RAD51B: variants seen among roughly 807,000 people sequenced by gnomAD.
RAD51B encodes the protein RAD51 paralog B.
RAD51B carries 38 observed loss-of-function variants against 42.2 expected under a neutral mutation model. The ratio of observed to expected loss-of-function variants is 0.90; its 90% CI spans 0.70 to 1.18. RAD51B has a LOEUF of 1.18. Ranked by LOEUF, RAD51B falls within the 50% of genes most tolerant of loss-of-function variation. The pLI, the probability that RAD51B is intolerant of heterozygous loss-of-function variation, is 0.00. For missense variants in RAD51B, 373 were observed against 400.7 expected (o/e 0.93, Z 0.59); for synonymous variants, 154 against 145.2 (o/e 1.06, Z -0.43).
At chr14:67,922,795 G>T (rs976500527) in intron 7 of RAD51B, among the ~76,000 whole-genome samples, 7 of 150,876 alleles carry the variant, frequency 4.6e-5, no homozygotes, top group Non-Finnish European at 7.4e-5. Context: ...GGGTTCAAGC[G>T]ATTCTCCTGC....
chr14:68,111,132 T>C (rs1361993989), intron 7 of RAD51B, among the ~76,000 whole-genome samples: 1 of 152,100 alleles, frequency 6.6e-6, no homozygotes, highest in Non-Finnish European at 1.5e-5. Context: ...AAGTAACCTT[T>C]GGATCACTTC....
At chr14:68,606,079 A>G (rs1595021240) in intron 10 of RAD51B, among the ~76,000 whole-genome samples, 2 of 152,022 alleles carry the variant, frequency 1.3e-5, no homozygotes, top group East Asian at 1.9e-4. Context: ...CCCTAACCAC[A>G]CTCCCAGGAA....
chr14:68,557,875 C>G (rs1378734807), intron 10 of RAD51B, among the ~76,000 whole-genome samples: 2 of 152,136 alleles, frequency 1.3e-5, no homozygotes, highest in African/African-American at 2.4e-5. Context: ...TGGGCATTTC[C>G]TAGCCTCCCC....
At chr14:68,371,039 A>AAAAT (rs2083246844) in intron 8 of RAD51B, among the ~76,000 whole-genome samples, 1 of 115,486 alleles carries the variant, frequency 8.7e-6, no homozygotes. Flanking sequence ...TCTGTCTCAA[A>AAAAT]AAAAAAAAAA....
chr14:68,019,142 C>T (rs893722586), intron 7 of RAD51B, among the ~76,000 whole-genome samples: 3 of 150,866 alleles, frequency 2.0e-5, no homozygotes, highest in South Asian at 4.2e-4. Flanking sequence ...AAAAAACACA[C>T]CAAAACTGAC....
At chr14:67,957,463 A>AT (rs2074574592) in intron 7 of RAD51B, among the ~76,000 whole-genome samples, 1 of 152,168 alleles carries the variant, frequency 6.6e-6, no homozygotes, top group Non-Finnish European at 1.5e-5. Flanking sequence ...GGAGCTTCTT[A>AT]TTTTTATATC....
At chr14:67,960,801 T>C (rs1595170227) in intron 7 of RAD51B, among the ~76,000 whole-genome samples, 6 of 152,218 alleles carry the variant, frequency 3.9e-5, no homozygotes, top group Admixed American at 3.9e-4. Flanking sequence ...CCCAAGTAGC[T>C]GGAACAACAG....
At chr14:68,432,892 A>G (rs1406603288) in intron 9 of RAD51B, among the ~76,000 whole-genome samples, 1 of 152,076 alleles carries the variant, frequency 6.6e-6, no homozygotes, top group East Asian at 1.9e-4. Flanking sequence ...GGTACCAGTT[A>G]TTCCTTTCCA....
At chr14:68,664,959 G>A (rs1893003177) in intron 11 of RAD51B, among the ~76,000 whole-genome samples, 1 of 152,160 alleles carries the variant, frequency 6.6e-6, no homozygotes, top group South Asian at 2.1e-4. Flanking sequence ...TCTCTCCTGA[G>A]AGCCCTAAGC....
intron 10 of RAD51B, among the ~76,000 whole-genome samples, chr14:68,539,401 G>T (rs1002050150): frequency 6.6e-6 from 1 of 151,950 alleles, no homozygotes; most frequent in Non-Finnish European, 1.5e-5. Flanking sequence ...CCTCCAAGTC[G>T]CCAGCACTCC....
At position 68,565,223 on chromosome 14, in the gene RAD51B, C is replaced by T. The variant is rs1206818754; in HGVS notation, c.1037-29262C>T. Among the ~76,000 whole-genome samples the T allele has an allele frequency of 4.6e-5, 7 of 152,194 alleles. No individual in the cohort carries two copies. Among genetic ancestry groups the T allele is most frequent in the African/African-American group, 1.7e-4 (7 of 41,434 alleles). On this transcript the variant is annotated intron_variant, in intron 10 of 10. Coordinates refer to the RAD51B transcript ENST00000487270. This position sits in a 1 kb window ranked among gnomAD's most constrained non-coding sequence, Gnocchi z 4.1. ...CCAAGGGAAGCAGTGCCTTTGAAGTCAGCAGCAACCGCAGCAGGCTCAGCT... is the reference window on the plus strand; with the variant it reads ...CCAAGGGAAGCAGTGCCTTTGAAGTTAGCAGCAACCGCAGCAGGCTCAGCT...
At chr14:68,173,337 C>T (rs534812826) in intron 7 of RAD51B, among the ~76,000 whole-genome samples, 1 of 152,266 alleles carries the variant, frequency 6.6e-6, no homozygotes, top group African/African-American at 2.4e-5. Context: ...TCTTTATATT[C>T]TTTGCAAAGA....
intron 7 of RAD51B, among the ~76,000 whole-genome samples, chr14:68,003,109 T>G (rs752249479): frequency 2.0e-5 from 3 of 152,332 alleles, no homozygotes; most frequent in Non-Finnish European, 4.4e-5. Flanking sequence ...ATCTGTAAAT[T>G]GCTTTGGACA....
chr14:68,670,277 C>T (rs1008593772), intron 11 of RAD51B, among the ~76,000 whole-genome samples: 6 of 152,086 alleles, frequency 3.9e-5, no homozygotes, highest in African/African-American at 7.2e-5. Context: ...CATGGGGCTC[C>T]GGGGCTTGGT....
At chr14:68,587,624 C>T (rs1044387931) in intron 10 of RAD51B, among the ~76,000 whole-genome samples, 3 of 152,104 alleles carry the variant, frequency 2.0e-5, no homozygotes, top group African/African-American at 2.4e-5. Flanking sequence ...CCATCCCCCC[C>T]GAGATCCAGA....
intron 8 of RAD51B, among the ~76,000 whole-genome samples, chr14:68,319,966 G>T (rs1285010312): frequency 6.6e-6 from 1 of 152,144 alleles, no homozygotes; most frequent in African/African-American, 2.4e-5. Flanking sequence ...GACCCAGAGA[G>T]GTTTAGTAAC....
intron 7 of RAD51B, among the ~76,000 whole-genome samples, chr14:68,140,490 C>T (rs1369241175): frequency 3.9e-5 from 6 of 152,228 alleles, no homozygotes; most frequent in Admixed American, 6.5e-5. Flanking sequence ...ATGTTACCTC[C>T]ACCAAGGCAT....
chr14:67,902,669 C>G (rs1342666165), intron 7 of RAD51B, among the ~76,000 whole-genome samples: 2 of 152,102 alleles, frequency 1.3e-5, no homozygotes, highest in Non-Finnish European at 2.9e-5. Context: ...GTGATGAACT[C>G]TATCCACTAA....
chr14:68,317,889 G>T (rs1169567731), intron 8 of RAD51B, among the ~76,000 whole-genome samples: 2 of 152,146 alleles, frequency 1.3e-5, no homozygotes, highest in Non-Finnish European at 2.9e-5. Context: ...AATCCAAAAT[G>T]GATTGATACA....
Sources: gnomAD v4.1 joint callset for allele counts (sites outside exome capture counted in the v4.1 genomes callset) on GRCh38, gnomAD v4.1.1 for gene constraint, Gnocchi (gnomAD v3.1) non-coding constraint, MANE v1.5 for transcripts, NCBI Gene and HGNC (gene_info 2026-07-23, HGNC 2026-07-21) for gene names.